The following B4GALT1 variants were observed in gnomAD, a reference collection of about 807,000 sequenced individuals.
B4GALT1 encodes N-acetyllactosamine synthase.
A neutral mutation model predicts 34.9 loss-of-function variants in B4GALT1; 16 were observed. The ratio of observed to expected loss-of-function variants is 0.46; its 90% CI spans 0.31 to 0.70. The LOEUF is 0.70. Ranked by LOEUF, B4GALT1 falls within the 30% of genes least tolerant of loss-of-function variation. B4GALT1 has a pLI of 0.05. For synonymous variants in B4GALT1, 221 were observed against 218.1 expected, an observed-to-expected ratio of 1.01 and a Z score of -0.12; for missense variants, 445 against 530.5, an observed-to-expected ratio of 0.84 and a Z score of 1.58.
At chr9:33,161,096 A>G (rs1171968272) in intron 1 of B4GALT1, among the ~76,000 whole-genome samples, 1 of 151,986 alleles carries the variant, frequency 6.6e-6, no homozygotes, top group African/African-American at 2.4e-5. Flanking sequence ...TGGGGAGTGG[A>G]TAGAGAAGCA....
intron 1 of B4GALT1, among the ~76,000 whole-genome samples, chr9:33,137,132 G>A (rs1840283485): frequency 6.6e-6 from 1 of 152,174 alleles, no homozygotes; most frequent in Non-Finnish European, 1.5e-5. Context: ...AACCTCCAGT[G>A]GCTCTAAGGC....
At chr9:33,158,822 G>C (rs1385208085) in intron 1 of B4GALT1, among the ~76,000 whole-genome samples, 2 of 152,208 alleles carry the variant, frequency 1.3e-5, no homozygotes, top group African/African-American at 4.8e-5. Flanking sequence ...GACTGCCCAA[G>C]AGTGGGGGCC....
rs780815290 is a variant in B4GALT1 at position 33,120,605 on chromosome 9, G to A, written c.650C>T (p.Ala217Val). 86 of 1,613,906 alleles carry A rather than the reference G, an allele frequency of 5.3e-5. No homozygotes were observed. The East Asian group carries it at 1.5e-3, about 28-fold the overall frequency. ...AGCACGATTGAATATAGTGTCTCCCGCCTGGTGCAGAAACAAAAACAGTGA... is the reference window on the plus strand; with the variant it reads ...AGCACGATTGAATATAGTGTCTCCCACCTGGTGCAGAAACAAAAACAGTGA... ...LDYGIYVINQ[A>V]GDTIFNRAKL... Residue 217 changes from alanine (A) to valine (V), a missense_variant and splice_region_variant, in exon 3 of 6, where the codon GCG becomes GTG. By Grantham distance (64) the Ala-to-Val change is moderately conservative. Transcript: ENST00000379731.
At chr9:33,127,425 AC>A (rs1418747493) in intron 2 of B4GALT1, among the ~76,000 whole-genome samples, 1 of 152,238 alleles carries the variant, frequency 6.6e-6, no homozygotes, top group Non-Finnish European at 1.5e-5. Flanking sequence ...GGAGAAAAAT[AC>A]TTAAGAAAAG....
At chr9:33,157,121 T>TACACACACACACACACACACACACACAC (rs199541947) in intron 1 of B4GALT1, among the ~76,000 whole-genome samples, 3 of 113,228 alleles carry the variant, frequency 2.6e-5, no homozygotes, top group African/African-American at 4.1e-5. Flanking sequence ...CATAGGGAAC[T>TACACACACACACACACACACACACACAC]ACACACACAC....
chr9:33,113,694 T>TC, intron 5 of B4GALT1, 80 bp downstream of exon 5: 3 of 1,607,472 alleles, frequency 1.9e-6, no homozygotes, highest in Non-Finnish European at 2.6e-6. Flanking sequence ...CACCTCAATT[T>TC]CCCTCTAGGC....
intron 1 of B4GALT1, among the ~76,000 whole-genome samples, chr9:33,163,482 CT>C (rs1840704825): frequency 6.6e-6 from 1 of 152,212 alleles, no homozygotes; most frequent in Non-Finnish European, 1.5e-5. Context: ...CCCTACCCCC[CT>C]GAGGGGACTG....
intron 1 of B4GALT1, among the ~76,000 whole-genome samples, chr9:33,161,021 TTCTCTCTCTC>T (rs35401344): frequency 6.7e-6 from 1 of 149,242 alleles, no homozygotes; most frequent in African/African-American, 2.5e-5. Flanking sequence ...AGGCAAGTCA[TTCTCTCTCTC>T]TCTCTCTCTC....
At chr9:33,135,890 A>AGAGTGT (rs1554686806) in intron 1 of B4GALT1, among the ~76,000 whole-genome samples, 1,594 of 104,114 alleles carry the variant, frequency 0.015, 24 homozygotes, top group East Asian at 0.022. Flanking sequence ...TAACTGGGGA[A>AGAGTGT]GTGTGTGTGT....
intron 1 of B4GALT1, among the ~76,000 whole-genome samples, chr9:33,163,333 G>A (rs1424895774): frequency 6.6e-6 from 1 of 152,190 alleles, no homozygotes; most frequent in Non-Finnish European, 1.5e-5. Context: ...GGGTGCCCTG[G>A]CTACCTGTAG....
intron 1 of B4GALT1, among the ~76,000 whole-genome samples, chr9:33,137,647 CTTAGA>C (rs75219428): frequency 0.46 from 69,988 of 151,526 alleles, 17,019 homozygotes; most frequent in South Asian, 0.57. Context: ...GGGCCCTTCC[CTTAGA>C]GAGTCTGTGG....
intron 1 of B4GALT1, among the ~76,000 whole-genome samples, chr9:33,147,719 A>G (rs1840449566): frequency 6.6e-6 from 1 of 152,218 alleles, no homozygotes; most frequent in South Asian, 2.1e-4. Context: ...ACTGCACAAA[A>G]CAATGGGAAA....
At chr9:33,132,951 G>A (rs1193897221) in intron 2 of B4GALT1, among the ~76,000 whole-genome samples, 3 of 152,074 alleles carry the variant, frequency 2.0e-5, no homozygotes, top group Admixed American at 2.0e-4. Flanking sequence ...TGCCCAGGCT[G>A]GAGTGCAGTG....
intron 1 of B4GALT1, among the ~76,000 whole-genome samples, chr9:33,164,185 G>A (rs1377503390): frequency 2.0e-5 from 3 of 152,286 alleles, no homozygotes; most frequent in South Asian, 2.1e-4. Context: ...GCCAAGTCGG[G>A]GAAAGGAACT....
downstream of B4GALT1, among the ~76,000 whole-genome samples, chr9:33,105,880 G>GTTTTTTTTTTTTTTTT (rs35330697): frequency 3.5e-5 from 3 of 85,732 alleles, no homozygotes; most frequent in Admixed American, 1.7e-4. Flanking sequence ...GGACTCGTGG[G>GTTTTTTTTTTTTTTTT]TTTTTTTTTT....
At chr9:33,109,979 A>T (rs1839835193), downstream of B4GALT1, among the ~76,000 whole-genome samples, 2 of 152,250 alleles carry the variant, frequency 1.3e-5, no homozygotes, top group East Asian at 3.8e-4. Flanking sequence ...TCCTGTTTGA[A>T]GGCCAGATCT....
chr9:33,110,058 G>A (rs1839836281), downstream of B4GALT1, among the ~76,000 whole-genome samples: 1 of 152,222 alleles, frequency 6.6e-6, no homozygotes, highest in Non-Finnish European at 1.5e-5. Context: ...ATGCAGGCAG[G>A]GCCTGCAGCT....
intron 1 of B4GALT1, among the ~76,000 whole-genome samples, chr9:33,136,422 T>G (rs918958397): frequency 2.0e-5 from 3 of 152,140 alleles, no homozygotes; most frequent in Non-Finnish European, 4.4e-5. Flanking sequence ...AGCCAAGGCT[T>G]GAACCCAGGC....
At chr9:33,149,782 C>A (rs1449761126) in intron 1 of B4GALT1, among the ~76,000 whole-genome samples, 4 of 152,062 alleles carry the variant, frequency 2.6e-5, no homozygotes, top group Admixed American at 2.6e-4. Flanking sequence ...TGAATCTGAT[C>A]AGGAGGAAAC....
Sources: allele counts gnomAD v4.1 joint callset (sites outside exome capture counted in the v4.1 genomes callset), GRCh38; gene constraint gnomAD v4.1.1; transcripts MANE v1.5; gene names NCBI Gene and HGNC (gene_info 2026-07-23, HGNC 2026-07-21).